The following RASA4 variants were observed in gnomAD, a reference collection of about 807,000 sequenced individuals.
The protein encoded by RASA4 is RAS p21 protein activator 4, also known as ras GTPase-activating protein 4.
RASA4 carries 5 observed loss-of-function variants against 24.0 expected under a neutral mutation model. The observed-to-expected ratio is 0.21, with a 90% confidence interval of 0.11 to 0.44. The LOEUF (loss-of-function observed/expected upper bound fraction) is 0.44, where lower values mean the gene tolerates loss of function less well. Ranked by LOEUF, RASA4 falls within the 20% of genes least tolerant of loss-of-function variation. RASA4 has a pLI of 0.99. For synonymous variants in RASA4, 9 were observed against 132.7 expected (o/e 0.07, Z 6.41); for missense variants, 38 against 293.0 (o/e 0.13, Z 6.35).
chr7:102,612,106 A>G, intron 1 of RASA4: 1 of 158,830 alleles, frequency 6.3e-6, no homozygotes, highest in Non-Finnish European at 1.4e-5. Context: ...TCTCCCCAAC[A>G]CCGACACCGC....
intron 16 of RASA4, among the ~76,000 whole-genome samples, chr7:102,590,672 G>A (rs1213121586): frequency 6.3e-5 from 9 of 143,032 alleles, no homozygotes; most frequent in East Asian, 2.0e-4. Context: ...CGGGCGCAGT[G>A]GCTCACACAT....
chr7:102,603,857 A>C, intron 5 of RASA4, among the ~76,000 whole-genome samples: 3 of 98,754 alleles, frequency 3.0e-5, no homozygotes, highest in South Asian at 3.3e-4. Context: ...AAAAAAAAAA[A>C]AAACCACCAA....
Position 102,580,908 on chromosome 7 carries a change from C to T in RASA4, c.*1863G>A, listed in dbSNP as rs1232496269. ...TCTGAAAATTGAATGTGATTTTAAA[C>T]AACCTATTTGAGCTCTGAGGTAGAT... On this transcript the variant is annotated 3_prime_UTR_variant, in exon 21 of 21. Transcript: ENST00000262940. 5.6e-5 allele frequency: 7 copies of T among 125,286 alleles called. No homozygotes were observed. Among genetic ancestry groups the T allele is most frequent in the Admixed American group, 1.7e-4 (2 of 11,944 alleles). The allele number at this position is 125,286 out of a possible 1,614,324, so 7.8% of individuals were successfully genotyped here. A position where few individuals can be genotyped will look rare whatever the true frequency, so the allele number is the denominator to read the frequency against.
intron 5 of RASA4, among the ~76,000 whole-genome samples, chr7:102,602,952 C>T (rs1171144259): frequency 2.0e-5 from 3 of 150,904 alleles, no homozygotes; most frequent in Non-Finnish European, 2.9e-5. Context: ...AGTCTAGTCA[C>T]GGTACCTCCA....
At chr7:102,614,121 T>C (rs1790968496) in intron 1 of RASA4, among the ~76,000 whole-genome samples, 1 of 147,258 alleles carries the variant, frequency 6.8e-6, no homozygotes, top group Admixed American at 6.7e-5. Flanking sequence ...ACTCAGAAGA[T>C]AGGCGGGGTG....
chr7:102,590,694 A>G (rs1189785357), intron 16 of RASA4, among the ~76,000 whole-genome samples: 1 of 144,508 alleles, frequency 6.9e-6, no homozygotes, highest in Non-Finnish European at 1.5e-5. Flanking sequence ...TAATCCCAGC[A>G]TTTTGGGAGG....
At chr7:102,597,664 T>A (rs1307830602) in intron 8 of RASA4, among the ~76,000 whole-genome samples, 1 of 141,244 alleles carries the variant, frequency 7.1e-6, no homozygotes, top group African/African-American at 2.5e-5. Context: ...GATCTCATGA[T>A]CCACCCGCCT....
At chr7:102,592,037 G>A (rs1337071062) in intron 16 of RASA4, among the ~76,000 whole-genome samples, 2 of 151,504 alleles carry the variant, frequency 1.3e-5, no homozygotes, top group Non-Finnish European at 2.9e-5. Flanking sequence ...GTTTCTCCAT[G>A]TTGGCCAGGC....
intron 5 of RASA4, among the ~76,000 whole-genome samples, chr7:102,605,580 T>C (rs1233638934): frequency 9.4e-5 from 13 of 138,110 alleles, no homozygotes; most frequent in African/African-American, 3.1e-4. Flanking sequence ...CGGCTAATTG[T>C]TGTATTTTTA....
At chr7:102,588,814 A>ATG (rs1562791666) in intron 17 of RASA4, among the ~76,000 whole-genome samples, 1 of 7,538 alleles carries the variant, frequency 1.3e-4, no homozygotes, top group South Asian at 5.2e-3. Context: ...ACAGGCGCAC[A>ATG]CCACCACACC....
chr7:102,592,120 C>T (rs1790029347), intron 16 of RASA4, among the ~76,000 whole-genome samples, 165 bp downstream of exon 16: 2 of 150,576 alleles, frequency 1.3e-5, no homozygotes, highest in South Asian at 2.1e-4. Flanking sequence ...CAGGCGTGAG[C>T]CACCGTGCCC....
At chr7:102,597,426 TTTA>T (rs961343995) in intron 8 of RASA4, among the ~76,000 whole-genome samples, 1 of 6,588 alleles carries the variant, frequency 1.5e-4, no homozygotes, top group African/African-American at 1.6e-4. Flanking sequence ...TTCTTCTTTA[TTTA>T]TTTTTTTTTT....
At chr7:102,603,655 C>T (rs1484458696) in intron 5 of RASA4, among the ~76,000 whole-genome samples, 1 of 152,268 alleles carries the variant, frequency 6.6e-6, no homozygotes, top group Non-Finnish European at 1.5e-5. Flanking sequence ...CCTTTCTTCC[C>T]CCTCAAGACT....
At chr7:102,606,715 G>A (rs1221487736) in intron 4 of RASA4, among the ~76,000 whole-genome samples, 394 of 96,442 alleles carry the variant, frequency 4.1e-3, no homozygotes, top group African/African-American at 0.013. Context: ...ATGTTGCTCA[G>A]GCTGGTCTCA....
chr7:102,610,761 T>C (rs1397693725), intron 2 of RASA4, among the ~76,000 whole-genome samples: 2 of 145,074 alleles, frequency 1.4e-5, no homozygotes, highest in Non-Finnish European at 3.1e-5. Flanking sequence ...TTGCAAGAAC[T>C]AAACGGGCTG....
chr7:102,603,860 ACC>A (rs1790485145), intron 5 of RASA4, among the ~76,000 whole-genome samples: 4 of 98,674 alleles, frequency 4.1e-5, no homozygotes, highest in Admixed American at 1.2e-4. Flanking sequence ...AAAAAAAAAA[ACC>A]ACCAAAAAAA....
intron 8 of RASA4, among the ~76,000 whole-genome samples, chr7:102,597,606 A>G (rs1360158678): frequency 7.6e-5 from 9 of 118,704 alleles, no homozygotes; most frequent in African/African-American, 2.2e-4. Flanking sequence ...TTGTATTTTT[A>G]GTACAGACGG....
At chr7:102,603,014 G>A (rs1248312525) in intron 5 of RASA4, among the ~76,000 whole-genome samples, 12 of 149,300 alleles carry the variant, frequency 8.0e-5, no homozygotes, top group Non-Finnish European at 1.8e-4. Flanking sequence ...AGGCTGGAGT[G>A]TAATGGTGCA....
chr7:102,605,838 C>T lies in RASA4; in HGVS notation c.428+20G>A. ...AGTTGCAGGGGACCCACTGCCCGCC[C>T]CCAGGCCCCTGAGTCTCACCTGGCC... On this transcript the variant is annotated intron_variant, in intron 5 of 20. Coordinates refer to ENST00000262940, the MANE Select transcript of RASA4 (RefSeq NM_006989.6). 6.4e-7 allele frequency: 1 copy of T among 1,552,384 alleles called. No homozygotes were observed. Among genetic ancestry groups the T allele is most frequent in the South Asian group, 1.2e-5 (1 of 85,362 alleles).
Sources: gnomAD v4.1 joint callset for allele counts (sites outside exome capture counted in the v4.1 genomes callset) on GRCh38, gnomAD v4.1.1 for gene constraint, MANE v1.5 for transcripts, NCBI Gene and HGNC (gene_info 2026-07-23, HGNC 2026-07-21) for gene names.